Variants in ZMAT4 observed in about 807,000 individuals in gnomAD.
ZMAT4 encodes the protein zinc finger matrin-type 4.
A neutral mutation model predicts 28.7 loss-of-function variants in ZMAT4; 17 were observed. The ratio of observed to expected loss-of-function variants is 0.59; its 90% CI spans 0.41 to 0.89. The LOEUF (loss-of-function observed/expected upper bound fraction) is 0.89. Among genes scored for constraint, ZMAT4 ranks in the 40% least tolerant of loss-of-function variants. The pLI, the probability that ZMAT4 is intolerant of heterozygous loss-of-function variation, is 0.00. For synonymous variants in ZMAT4, 117 were observed against 109.2 expected, an observed-to-expected ratio of 1.07 and a Z score of -0.44; for missense variants, 240 against 283.8, an observed-to-expected ratio of 0.85 and a Z score of 1.11.
chr8:40,642,093 G>A (rs190636837), intron 5 of ZMAT4, among the ~76,000 whole-genome samples: 1 of 152,184 alleles, frequency 6.6e-6, no homozygotes, highest in Non-Finnish European at 1.5e-5. Context: ...AAAAATACAG[G>A]ATGCTCAATT....
intron 1 of ZMAT4, among the ~76,000 whole-genome samples, chr8:40,871,177 A>G (rs1817842040): frequency 1.3e-5 from 2 of 152,228 alleles, no homozygotes; most frequent in African/African-American, 4.8e-5. Context: ...GACATCAGGC[A>G]CTAGTTTCTC....
intron 6 of ZMAT4, among the ~76,000 whole-genome samples, chr8:40,540,454 C>T (rs1351450410): frequency 6.6e-6 from 1 of 152,178 alleles, no homozygotes; most frequent in Non-Finnish European, 1.5e-5. Flanking sequence ...ACCCTGATTT[C>T]ACAAGAAGAG....
chr8:40,752,637 A>T (rs1271699011), intron 3 of ZMAT4, among the ~76,000 whole-genome samples: 2 of 152,100 alleles, frequency 1.3e-5, no homozygotes, highest in Non-Finnish European at 2.9e-5. Context: ...GTCATTTGGA[A>T]ACCTCCTTTG....
chr8:40,638,315 C>T (rs1585795636), intron 5 of ZMAT4, among the ~76,000 whole-genome samples: 1 of 152,164 alleles, frequency 6.6e-6, no homozygotes. Flanking sequence ...AAAACATCAC[C>T]TTGTACTCCA....
chr8:40,722,273 C>T (rs1335924180), intron 3 of ZMAT4, among the ~76,000 whole-genome samples: 2 of 152,180 alleles, frequency 1.3e-5, no homozygotes, highest in Non-Finnish European at 2.9e-5. Context: ...GCAACCTACT[C>T]ATCTGACAAA....
chr8:40,538,677 C>T (rs1243782908), intron 6 of ZMAT4, among the ~76,000 whole-genome samples: 1 of 152,166 alleles, frequency 6.6e-6, no homozygotes, highest in East Asian at 1.9e-4. Context: ...TTTCCAACCC[C>T]TAGCTCCTGC....
At chr8:40,583,719 C>T (rs1046013633) in intron 5 of ZMAT4, among the ~76,000 whole-genome samples, 5 of 152,072 alleles carry the variant, frequency 3.3e-5, no homozygotes, top group Admixed American at 6.6e-5. Context: ...TAGGGAGCCA[C>T]GAGGCATCAA....
chr8:40,801,251 G>A (rs1443271134), intron 2 of ZMAT4, among the ~76,000 whole-genome samples: 1 of 150,378 alleles, frequency 6.6e-6, no homozygotes, highest in Non-Finnish European at 1.5e-5. Context: ...GAAAGCACCA[G>A]ACGTAAATGG....
chr8:40,775,891 G>C (rs1813571580), intron 2 of ZMAT4, among the ~76,000 whole-genome samples: 1 of 152,096 alleles, frequency 6.6e-6, no homozygotes, highest in Admixed American at 6.5e-5. Flanking sequence ...TATATGAAGG[G>C]GAAGAGACAT....
At chr8:40,866,546 T>C (rs1206710342) in intron 1 of ZMAT4, among the ~76,000 whole-genome samples, 1 of 152,202 alleles carries the variant, frequency 6.6e-6, no homozygotes, top group Non-Finnish European at 1.5e-5. Context: ...GCTTGGTGTT[T>C]TATAGATTAC....
chr8:40,718,914 T>C (rs1810964989), intron 3 of ZMAT4, among the ~76,000 whole-genome samples: 1 of 152,154 alleles, frequency 6.6e-6, no homozygotes, highest in Non-Finnish European at 1.5e-5. Context: ...CTGACATATA[T>C]ACACTTTCCA....
At chr8:40,538,574 G>A (rs1056387085) in intron 6 of ZMAT4, among the ~76,000 whole-genome samples, 5 of 151,890 alleles carry the variant, frequency 3.3e-5, no homozygotes, top group South Asian at 4.1e-4. Flanking sequence ...TTTTGTCGAC[G>A]ACAACATATT....
At chr8:40,732,834 C>CCT in intron 3 of ZMAT4, among the ~76,000 whole-genome samples, 1 of 67,078 alleles carries the variant, frequency 1.5e-5, no homozygotes, top group East Asian at 5.1e-4. Flanking sequence ...GCAAGACCTC[C>CCT]TTTTTTTTTT....
At chr8:40,819,167 T>A (rs1815652666) in intron 2 of ZMAT4, among the ~76,000 whole-genome samples, 1 of 152,140 alleles carries the variant, frequency 6.6e-6, no homozygotes, top group Admixed American at 6.5e-5. Context: ...AGGTCCAATA[T>A]GCCTGCTGCT....
chr8:40,780,652 A>C (rs1365556844), intron 2 of ZMAT4, among the ~76,000 whole-genome samples: 1 of 152,234 alleles, frequency 6.6e-6, no homozygotes, highest in Non-Finnish European at 1.5e-5. Context: ...ATGAAGCAAA[A>C]ACATGAAATC....
At chr8:40,584,274 C>G (rs1290637090) in intron 5 of ZMAT4, among the ~76,000 whole-genome samples, 1 of 152,100 alleles carries the variant, frequency 6.6e-6, no homozygotes, top group Non-Finnish European at 1.5e-5. Context: ...TCCCTCAGCC[C>G]TGGAGGAGCC....
intron 4 of ZMAT4, among the ~76,000 whole-genome samples, chr8:40,682,873 G>C (rs1272952716): frequency 6.6e-6 from 1 of 152,144 alleles, no homozygotes; most frequent in East Asian, 1.9e-4. Context: ...AAGTATGCCT[G>C]GTTTCTGCAG....
intron 2 of ZMAT4, among the ~76,000 whole-genome samples, chr8:40,821,798 G>A (rs536859120): frequency 2.0e-5 from 3 of 152,306 alleles, no homozygotes; most frequent in African/African-American, 7.2e-5. Flanking sequence ...GAGCCTCACA[G>A]ATTCCAAACT....
intron 6 of ZMAT4, among the ~76,000 whole-genome samples, chr8:40,542,047 G>T (rs1803051248): frequency 6.6e-6 from 1 of 152,214 alleles, no homozygotes; most frequent in Non-Finnish European, 1.5e-5. Flanking sequence ...GTTGGCAGAA[G>T]TATGTTTTGT....
Sources: gnomAD v4.1 joint callset for allele counts (sites outside exome capture counted in the v4.1 genomes callset) on GRCh38, gnomAD v4.1.1 for gene constraint, MANE v1.5 for transcripts, NCBI Gene and HGNC (gene_info 2026-07-23, HGNC 2026-07-21) for gene names.